Variants in ERI3 observed in about 807,000 individuals in gnomAD.
ERI3 encodes ERI1 exoribonuclease family member 3, also known as ERI1 exoribonuclease 3.
ERI3 carries 18 observed loss-of-function variants against 44.4 expected under a neutral mutation model. That is an observed-to-expected ratio of 0.41 (90% confidence interval 0.28 to 0.60). The LOEUF is 0.60. ERI3 is among the 20% of genes least tolerant of loss of function. The probability of loss-of-function intolerance (pLI) is 0.36; values close to 1 mark genes in which losing one functional copy is unlikely to be tolerated. For synonymous variants in ERI3, 183 were observed against 164.8 expected (o/e 1.11, Z -0.84); for missense variants, 294 against 435.5 (o/e 0.68, Z 2.89).
At position 44,251,904 on chromosome 1, in the gene ERI3, G is replaced by A. The variant is rs138700538; in HGVS notation, c.832-3866C>T. On this transcript the variant is annotated intron_variant, in intron 7 of 8. Coordinates refer to ENST00000372257, the MANE Select transcript of ERI3 (RefSeq NM_024066.3). ...GCCAGCTTGGGGGAATGGGGATATG[G>A]GGCCCAGAAGCTTTCTGATCTTGAT... Among the ~76,000 whole-genome samples, 977 of 152,308 alleles carry A rather than the reference G, an allele frequency of 6.4e-3. 5 individuals carry two copies. Among genetic ancestry groups the A allele is most frequent in the Non-Finnish European group, 9.8e-3 (666 of 68,030 alleles).
intron 4 of ERI3, among the ~76,000 whole-genome samples, chr1:44,315,983 CTTTTTT>C (rs5773826): frequency 6.9e-6 from 1 of 145,806 alleles, no homozygotes; most frequent in African/African-American, 2.5e-5. Context: ...GAGACCCCAT[CTTTTTT>C]TTTTTTTTTT....
intron 7 of ERI3, among the ~76,000 whole-genome samples, chr1:44,249,866 G>A (rs1383459123): frequency 1.8e-4 from 27 of 152,192 alleles, no homozygotes; most frequent in East Asian, 3.9e-4. Context: ...TACAAAGGCC[G>A]GATTAAACGA....
chr1:44,296,724 C>T (rs1184355418), intron 6 of ERI3, among the ~76,000 whole-genome samples: 1 of 152,196 alleles, frequency 6.6e-6, no homozygotes, highest in Non-Finnish European at 1.5e-5. Context: ...TCATCACTAC[C>T]TAGGTGCTCC....
At chr1:44,312,480 C>A (rs182490411) in intron 5 of ERI3, among the ~76,000 whole-genome samples, 18 of 152,304 alleles carry the variant, frequency 1.2e-4, no homozygotes, top group East Asian at 3.9e-4. Context: ...CGGGCTACAG[C>A]GCAAGAAACA....
At chr1:44,272,651 A>G (rs1249681119) in intron 7 of ERI3, among the ~76,000 whole-genome samples, 1 of 151,940 alleles carries the variant, frequency 6.6e-6, no homozygotes, top group Admixed American at 6.6e-5. Flanking sequence ...AGACCAGCCT[A>G]GCCAACATGA....
chr1:44,339,454 A>C, intron 2 of ERI3, 132 bp from the exon 3 acceptor site: 1 of 921,400 alleles, frequency 1.1e-6, no homozygotes, highest in Non-Finnish European at 1.5e-6. Context: ...TCCACGCAAC[A>C]TGGGCCACTC....
intron 6 of ERI3, among the ~76,000 whole-genome samples, chr1:44,287,325 A>T (rs1387629806): frequency 1.3e-5 from 2 of 152,268 alleles, no homozygotes; most frequent in African/African-American, 4.8e-5. Flanking sequence ...GTTTGGCTAC[A>T]AGAATCCAGT....
At chr1:44,262,488 C>T (rs755862351) in intron 7 of ERI3, among the ~76,000 whole-genome samples, 3 of 152,210 alleles carry the variant, frequency 2.0e-5, no homozygotes, top group African/African-American at 7.2e-5. Context: ...ATCTCCAAGT[C>T]GAAGCTGCCC....
In ERI3 at chr1:44,313,165, C is replaced by A. The variant is rs899370598; in HGVS notation, c.666+4G>T. On this transcript the variant is annotated splice_donor_region_variant and intron_variant, in intron 5 of 8. Coordinates refer to ENST00000372257, the MANE Select transcript of ERI3 (RefSeq NM_024066.3). ...GGTCAGGAATTAAAGGTCACTCAAC[C>A]TACCTCCAGCACTTGCTGCAGGCTT... 1 of 1,614,068 alleles carries A rather than the reference C, an allele frequency of 6.2e-7. No individual in the cohort carries two copies. The highest frequency in any genetic ancestry group is 8.5e-7 in the Non-Finnish European group (1 of 1,179,908).
intron 2 of ERI3, among the ~76,000 whole-genome samples, chr1:44,349,281 T>C (rs1427453729): frequency 3.9e-5 from 6 of 152,198 alleles, no homozygotes; most frequent in South Asian, 2.1e-4. Context: ...GCCTCCTCAA[T>C]AGCTGGGACT....
chr1:44,322,980 T>C (rs547367842), intron 3 of ERI3: 9 of 1,346,092 alleles, frequency 6.7e-6, no homozygotes, highest in Non-Finnish European at 8.8e-6. Flanking sequence ...CCAGCCTCTA[T>C]GTCCAGTTGC....
chr1:44,339,409 CA>C, intron 2 of ERI3, 87 bp from the exon 3 acceptor site: 2 of 1,367,340 alleles, frequency 1.5e-6, no homozygotes, highest in Non-Finnish European at 1.9e-6. Context: ...TACTCCCTCC[CA>C]CTGTGGCCCT....
At chr1:44,338,462 A>G (rs910124726) in intron 3 of ERI3, among the ~76,000 whole-genome samples, 1 of 152,184 alleles carries the variant, frequency 6.6e-6, no homozygotes, top group African/African-American at 2.4e-5. Context: ...GTTCCTACAC[A>G]CATGTGCCTC....
At chr1:44,271,997 T>C (rs2154321575) in intron 7 of ERI3, among the ~76,000 whole-genome samples, 1 of 152,306 alleles carries the variant, frequency 6.6e-6, no homozygotes, top group African/African-American at 2.4e-5. Context: ...CTGCCCACAA[T>C]GTCCTGTATG....
chr1:44,280,424 T>G (rs1645262503), intron 7 of ERI3, among the ~76,000 whole-genome samples: 1 of 152,238 alleles, frequency 6.6e-6, no homozygotes, highest in South Asian at 2.1e-4. Context: ...ATCTTTCACC[T>G]GGACCACAGA....
In ERI3 at chr1:44,297,761, T is replaced by C. The variant is rs540258832; in HGVS notation, c.758+10549A>G. On this transcript the variant is annotated intron_variant, in intron 6 of 8. Transcript: ENST00000372257. Reference sequence around the variant, plus strand: ...CCCTGGCTGGGAATTAGAGGACAGATTGGCAAGCGCTGACAAAACAGAGGT... The same window carrying C: ...CCCTGGCTGGGAATTAGAGGACAGACTGGCAAGCGCTGACAAAACAGAGGT... Among the ~76,000 whole-genome samples, 21 of 152,282 alleles carry C rather than the reference T, an allele frequency of 1.4e-4. No homozygotes were observed. In the South Asian group the frequency reaches 3.5e-3, roughly 26 times the overall value.
At chr1:44,267,863 G>C (rs985164047) in intron 7 of ERI3, among the ~76,000 whole-genome samples, 1 of 152,208 alleles carries the variant, frequency 6.6e-6, no homozygotes, top group African/African-American at 2.4e-5. Flanking sequence ...ATCTCCCCAG[G>C]AGGGCCACCC....
chr1:44,248,094 A>C, intron 7 of ERI3, 56 bp from the exon 8 acceptor site: 1 of 1,239,302 alleles, frequency 8.1e-7, no homozygotes, highest in Non-Finnish European at 1.1e-6. Context: ...AACCAACCCC[A>C]CTCACAAGGT....
intron 4 of ERI3, among the ~76,000 whole-genome samples, chr1:44,314,928 A>C (rs143133861): frequency 4.8e-4 from 73 of 152,352 alleles, no homozygotes; most frequent in Middle Eastern, 3.4e-3. Context: ...CCGAGCAGGC[A>C]GTTGCCCTGT....
Sources: gnomAD v4.1 joint callset for allele counts (sites outside exome capture counted in the v4.1 genomes callset) on GRCh38, gnomAD v4.1.1 for gene constraint, MANE v1.5 for transcripts, NCBI Gene and HGNC (gene_info 2026-07-23, HGNC 2026-07-21) for gene names.